CRTAC1: variants seen among roughly 807,000 people sequenced by gnomAD.
The protein encoded by CRTAC1 is cartilage acidic protein 1.
Under a neutral mutation model 67.8 loss-of-function variants are expected in CRTAC1, and 37 were observed. That is an observed-to-expected ratio of 0.55 (90% confidence interval 0.42 to 0.72). The LOEUF (loss-of-function observed/expected upper bound fraction) is 0.72. CRTAC1 is among the 30% of genes least tolerant of loss of function. CRTAC1 has a pLI of 0.00. For synonymous variants in CRTAC1, 348 were observed against 371.0 expected (o/e 0.94, Z 0.71); for missense variants, 780 against 931.6 (o/e 0.84, Z 2.12).
At chr10:97,906,646 A>G (rs759551236) in intron 6 of CRTAC1, among the ~76,000 whole-genome samples, 36 of 152,184 alleles carry the variant, frequency 2.4e-4, no homozygotes, top group Middle Eastern at 3.2e-3. Context: ...TTGCTGCCAA[A>G]GGATAGCACT....
Position 97,895,283 on chromosome 10 carries a change from T to G in CRTAC1, c.1448A>C (p.Tyr483Ser), listed in dbSNP as rs774259973. The stretch of plus-strand genomic sequence containing the variant: ...TGCCACGGGCTCCATCTCACACAGG[T>G]AGCCTGAGCCCCCGTCGATGATCCT... ...HLRIIDGGSG[Y>S]LCEMEPVAHF... Residue 483 changes from tyrosine to serine, a missense_variant, in exon 11 of 15, where the codon TAC (tyrosine) becomes TCC (serine). Tyr to Ser is a moderately radical substitution (Grantham distance 144). Coordinates refer to ENST00000370597, the MANE Select transcript of CRTAC1 (RefSeq NM_018058.7). The surrounding 1 kb of genome is among the most constrained non-coding windows in gnomAD (Gnocchi z 4.2). The G allele has an allele frequency of 6.2e-7, 1 of 1,613,034 alleles. No homozygotes were observed. Among genetic ancestry groups the G allele is most frequent in the South Asian group, 1.1e-5 (1 of 91,040 alleles).
intron 1 of CRTAC1, among the ~76,000 whole-genome samples, chr10:98,026,411 CA>C (rs1339475227): frequency 6.6e-6 from 1 of 152,190 alleles, no homozygotes; most frequent in Non-Finnish European, 1.5e-5. Flanking sequence ...GCTCTCTACC[CA>C]CTCCCGCATT....
chr10:97,909,712 C>T (rs1423587489), intron 5 of CRTAC1, among the ~76,000 whole-genome samples: 1 of 152,014 alleles, frequency 6.6e-6, no homozygotes, highest in Non-Finnish European at 1.5e-5. Context: ...TATATATATC[C>T]AAAGGAAATG....
intron 1 of CRTAC1, among the ~76,000 whole-genome samples, chr10:98,011,667 T>A (rs1467144141): frequency 6.6e-6 from 1 of 152,240 alleles, no homozygotes. Flanking sequence ...TGCTAGAGTG[T>A]AAGCTCCACT....
At chr10:97,973,168 T>C (rs1025051865) in intron 2 of CRTAC1, among the ~76,000 whole-genome samples, 2 of 152,186 alleles carry the variant, frequency 1.3e-5, no homozygotes, top group Non-Finnish European at 2.9e-5. Context: ...GCATTACTTT[T>C]AGAATCAGAA....
intron 2 of CRTAC1, among the ~76,000 whole-genome samples, chr10:97,953,088 A>G (rs2051385679): frequency 1.3e-5 from 2 of 152,020 alleles, no homozygotes; most frequent in Admixed American, 6.6e-5. Flanking sequence ...TTATTTCATT[A>G]GCTTTTTCCT....
At chr10:97,907,867 C>T (rs2050634749) in intron 6 of CRTAC1, 146 bp downstream of exon 6, 2 of 788,062 alleles carry the variant, frequency 2.5e-6, no homozygotes, top group South Asian at 2.1e-5. Flanking sequence ...TGACAAGCAG[C>T]GTTTCTCTGT....
chr10:97,893,181 T>C (rs1332950926), intron 11 of CRTAC1, among the ~76,000 whole-genome samples: 2 of 152,250 alleles, frequency 1.3e-5, no homozygotes, highest in Non-Finnish European at 2.9e-5. Context: ...GTGTCTAGAA[T>C]AAGTGAGAGT....
At chr10:97,973,876 G>A (rs1431410931) in intron 2 of CRTAC1, among the ~76,000 whole-genome samples, 1 of 148,736 alleles carries the variant, frequency 6.7e-6, no homozygotes, top group African/African-American at 2.5e-5. Flanking sequence ...AGGGGTTCAT[G>A]AACCTCCCAA....
At chr10:97,960,636 G>A (rs535296245) in intron 2 of CRTAC1, among the ~76,000 whole-genome samples, 3 of 152,270 alleles carry the variant, frequency 2.0e-5, no homozygotes, top group African/African-American at 4.8e-5. Flanking sequence ...TAATAAAAAC[G>A]GGTTCAACAA....
chr10:98,005,174 G>T (rs565125092), intron 2 of CRTAC1, among the ~76,000 whole-genome samples: 29 of 132,010 alleles, frequency 2.2e-4, no homozygotes, highest in African/African-American at 8.5e-4. Flanking sequence ...GCATGATCTC[G>T]GCTCACTGCA....
rs555532629 is a variant in CRTAC1, at chr10:98,030,410, C to G, written c.24+39G>C. The G allele has an allele frequency of 4.8e-5, 59 of 1,231,932 alleles. 1 individual carries two copies. In the South Asian group the frequency reaches 2.1e-3, roughly 43 times the overall value. The allele number at this position is 1,231,932 out of a possible 1,614,324, so 76.3% of individuals were successfully genotyped here. A position where few individuals can be genotyped will look rare whatever the true frequency, so the allele number is the denominator to read the frequency against. On this transcript the variant is annotated intron_variant, in intron 1 of 14. Transcript: ENST00000370597. This position sits in a 1 kb window ranked among gnomAD's most constrained non-coding sequence, Gnocchi z 4.2. ...GGGCGCGCAGAGCTGGAGAAACTTT[C>G]TCCGCCTTAGGGTGGGGGGCACCGG...
At chr10:97,906,217 G>T (rs191603853) in intron 6 of CRTAC1, among the ~76,000 whole-genome samples, 1 of 152,088 alleles carries the variant, frequency 6.6e-6, no homozygotes, top group African/African-American at 2.4e-5. Flanking sequence ...AAGAGGGTTC[G>T]CAGAGGACTA....
At chr10:98,013,794 C>T (rs1564935707) in intron 1 of CRTAC1, among the ~76,000 whole-genome samples, 1 of 152,210 alleles carries the variant, frequency 6.6e-6, no homozygotes, top group Admixed American at 6.5e-5. Context: ...ATATTTTGAA[C>T]AAGACAAGCT....
chr10:97,898,861 G>A (rs774559733), intron 8 of CRTAC1, among the ~76,000 whole-genome samples: 1 of 152,194 alleles, frequency 6.6e-6, no homozygotes, highest in Non-Finnish European at 1.5e-5. Context: ...CCTTGTTCAT[G>A]CCTTTTTGCC....
intron 14 of CRTAC1, among the ~76,000 whole-genome samples, chr10:97,873,703 A>T (rs1388572295): frequency 6.6e-6 from 1 of 152,158 alleles, no homozygotes; most frequent in Non-Finnish European, 1.5e-5. Context: ...AAGAAGGAGA[A>T]CCAGCTAGCT....
At chr10:97,907,145 C>T (rs907859726) in intron 6 of CRTAC1, among the ~76,000 whole-genome samples, 2 of 152,176 alleles carry the variant, frequency 1.3e-5, no homozygotes, top group Non-Finnish European at 2.9e-5. Flanking sequence ...CCAAGCCTTG[C>T]GTCAAGAATG....
Position 97,884,287 on chromosome 10 carries a change from C to T in CRTAC1, c.1551G>A (p.Val517=), listed in dbSNP as rs2050251823. Residue 517 remains valine, a synonymous_variant, in exon 12 of 15, where the codon GTG becomes GTA. Coordinates refer to ENST00000370597, the MANE Select transcript of CRTAC1 (RefSeq NM_018058.7). The part of the protein sequence containing the change: ...WPDGKMVSRN[V]ASGEMNSVLE... ...GCACTGAGTTCATCTCCCCGCTGGC[C>T]ACGTTCCGGCTCACCATCTTGCCAT... is the stretch of plus-strand genomic sequence containing the variant. 1.3e-6 allele frequency: 2 copies of T among 1,555,842 alleles called. No homozygotes were observed. Among genetic ancestry groups the T allele is most frequent in the Middle Eastern group, 1.8e-4 (1 of 5,542 alleles).
chr10:97,957,065 T>G (rs1370715634), intron 2 of CRTAC1, among the ~76,000 whole-genome samples: 1 of 151,954 alleles, frequency 6.6e-6, no homozygotes, highest in African/African-American at 2.4e-5. Context: ...TCCTTCCACC[T>G]TGGCCTCTTA....
Sources: allele counts gnomAD v4.1 joint callset (sites outside exome capture counted in the v4.1 genomes callset), GRCh38; gene constraint gnomAD v4.1.1; non-coding constraint Gnocchi (gnomAD v3.1); transcripts MANE v1.5; gene names NCBI Gene and HGNC (gene_info 2026-07-23, HGNC 2026-07-21).